Variants in SNTB1 observed in about 807,000 individuals in gnomAD.
The protein encoded by SNTB1 is beta-1-syntrophin.
Under a neutral mutation model 48.9 loss-of-function variants are expected in SNTB1, and 36 were observed. The ratio of observed to expected loss-of-function variants is 0.74; its 90% confidence interval spans 0.56 to 0.97. The LOEUF (loss-of-function observed/expected upper bound fraction) is 0.97, where lower values mean the gene tolerates loss of function less well. Ranked by LOEUF, SNTB1 falls within the 50% of genes least tolerant of loss-of-function variation. SNTB1 has a pLI of 0.00. For missense variants in SNTB1, 786 were observed against 703.4 expected (o/e 1.12, Z -1.33); for synonymous variants, 299 against 294.6 (o/e 1.01, Z -0.15).
intron 2 of SNTB1, among the ~76,000 whole-genome samples, chr8:120,658,964 T>C (rs987400628): frequency 5.9e-5 from 9 of 151,364 alleles, no homozygotes; most frequent in Non-Finnish European, 1.0e-4. Flanking sequence ...GTGATATTCT[T>C]TTTTTTTTTC....
At chr8:120,609,950 T>G (rs1050637819) in intron 3 of SNTB1, among the ~76,000 whole-genome samples, 1 of 152,190 alleles carries the variant, frequency 6.6e-6, no homozygotes, top group African/African-American at 2.4e-5. Flanking sequence ...GTACCACAGG[T>G]GAGATTTAAT....
chr8:120,771,336 T>C lies in SNTB1; in HGVS notation c.571+39937A>G, dbSNP rs1462395922. On this transcript the variant is annotated intron_variant, in intron 1 of 6. Transcript: ENST00000517992. ...GTTCTCTTTTCATTTCTACCATTTC[T>C]GTCATCTGAAGAGCAGAAAAATAAT... Among the ~76,000 whole-genome samples the C allele has an allele frequency of 5.3e-5, 8 of 152,342 alleles. No homozygotes were observed. The East Asian group carries it at 1.5e-3, about 29-fold the overall frequency.
chr8:120,582,545 T>C (rs1231360822), intron 3 of SNTB1, among the ~76,000 whole-genome samples: 1 of 151,804 alleles, frequency 6.6e-6, no homozygotes, highest in Non-Finnish European at 1.5e-5. Context: ...AGACTGACCA[T>C]GAAAATGAGA....
At chr8:120,566,423 G>A (rs1815750176) in intron 4 of SNTB1, among the ~76,000 whole-genome samples, 1 of 151,138 alleles carries the variant, frequency 6.6e-6, no homozygotes. Flanking sequence ...CACAGCAACA[G>A]GCTCCATCTA....
chr8:120,613,620 T>C (rs1480489866), intron 3 of SNTB1, among the ~76,000 whole-genome samples: 7 of 152,132 alleles, frequency 4.6e-5, no homozygotes, highest in Non-Finnish European at 1.0e-4. Context: ...TCAGTGACAG[T>C]GAATGAATAA....
chr8:120,687,666 C>T (rs961238954), intron 2 of SNTB1, among the ~76,000 whole-genome samples: 14 of 152,170 alleles, frequency 9.2e-5, no homozygotes, highest in African/African-American at 2.9e-4. Context: ...AAGAGTGCAT[C>T]ACTATTCTTT....
intron 2 of SNTB1, among the ~76,000 whole-genome samples, chr8:120,647,028 T>G (rs959503256): frequency 6.6e-6 from 1 of 150,854 alleles, no homozygotes; most frequent in South Asian, 2.1e-4. Context: ...TTATCATTTT[T>G]TATTGCGTCT....
intron 4 of SNTB1, chr8:120,571,492 T>G (rs867679881): frequency 0.017 from 3,091 of 184,124 alleles, 78 homozygotes; most frequent in South Asian, 0.033. Context: ...TTTTTTTTTT[T>G]TTTTTTTTTT....
At chr8:120,767,566 C>A (rs780011238) in intron 1 of SNTB1, among the ~76,000 whole-genome samples, 2 of 152,194 alleles carry the variant, frequency 1.3e-5, no homozygotes, top group South Asian at 4.1e-4. Flanking sequence ...AGAACATAGG[C>A]TCTACAGCCA....
chr8:120,572,862 C>T (rs542681574), intron 4 of SNTB1, among the ~76,000 whole-genome samples: 2 of 152,230 alleles, frequency 1.3e-5, no homozygotes, highest in South Asian at 2.1e-4. Context: ...TTGCAGTGCG[C>T]CAAGATAGCA....
intron 4 of SNTB1, among the ~76,000 whole-genome samples, chr8:120,563,430 A>G (rs1815696734): frequency 6.6e-6 from 1 of 152,182 alleles, no homozygotes; most frequent in Non-Finnish European, 1.5e-5. Flanking sequence ...GCACTGCTAT[A>G]AACTGTACCA....
intron 3 of SNTB1, among the ~76,000 whole-genome samples, chr8:120,599,282 C>T (rs1252330674): frequency 6.6e-6 from 1 of 152,156 alleles, no homozygotes; most frequent in East Asian, 1.9e-4. Context: ...AATAAAAATA[C>T]CGCACAAATA....
chr8:120,796,400 G>T (rs768365590), intron 1 of SNTB1, among the ~76,000 whole-genome samples: 22 of 152,002 alleles, frequency 1.4e-4, no homozygotes, highest in Admixed American at 4.6e-4. Flanking sequence ...GTGAGGTACT[G>T]GCAGTTAGGA....
intron 1 of SNTB1, among the ~76,000 whole-genome samples, chr8:120,785,881 G>A (rs1819915761): frequency 6.6e-6 from 1 of 152,206 alleles, no homozygotes; most frequent in Admixed American, 6.5e-5. Flanking sequence ...GGAAAAACTT[G>A]CACAACCTCA....
chr8:120,649,919 G>A (rs1211184201), intron 2 of SNTB1, among the ~76,000 whole-genome samples: 1 of 152,176 alleles, frequency 6.6e-6, no homozygotes, highest in Non-Finnish European at 1.5e-5. Flanking sequence ...GGGTGGGAGT[G>A]ACCCGATTTT....
In SNTB1 at chr8:120,693,846, A is replaced by G; in HGVS notation, c.634T>C (p.Trp212Arg). 1.1e-5 allele frequency: 18 copies of G among 1,614,066 alleles called. No individual in the cohort carries two copies. Among genetic ancestry groups the G allele is most frequent in the Non-Finnish European group, 1.5e-5 (18 of 1,179,998 alleles). The change falls in exon 2 of 7, where the codon TGG becomes CGG. Residue 212 changes from tryptophan to arginine, a missense_variant. By Grantham distance (101) the Trp-to-Arg change is moderately radical. Coordinates refer to ENST00000517992, the MANE Select transcript of SNTB1 (RefSeq NM_021021.4). Reference protein sequence around the residue: ...KKGSPVSEIGWETPPPESPRL... With the variant: ...KKGSPVSEIGRETPPPESPRL... ...GGGGATTCAGGCGGAGGTGTTTCCC[A>G]CCCAATCTCGGATACTGGGGATCCT...
intron 3 of SNTB1, among the ~76,000 whole-genome samples, chr8:120,594,326 C>T (rs942014910): frequency 6.6e-6 from 1 of 152,168 alleles, no homozygotes; most frequent in African/African-American, 2.4e-5. Context: ...CAACCTCCAC[C>T]TCCCGGGTTC....
intron 4 of SNTB1, chr8:120,571,137 C>T (rs919078490): frequency 9.0e-6 from 10 of 1,113,064 alleles, no homozygotes; most frequent in East Asian, 1.2e-4. Flanking sequence ...TCATAATGCC[C>T]AGAAACTGTG....
At chr8:120,733,487 G>A (rs994691077) in intron 1 of SNTB1, among the ~76,000 whole-genome samples, 7 of 152,216 alleles carry the variant, frequency 4.6e-5, no homozygotes, top group African/African-American at 1.7e-4. Flanking sequence ...CTCCAATTAA[G>A]CCAACCAAGT....
Sources: gnomAD v4.1 joint callset for allele counts (sites outside exome capture counted in the v4.1 genomes callset) on GRCh38, gnomAD v4.1.1 for gene constraint, MANE v1.5 for transcripts, NCBI Gene and HGNC (gene_info 2026-07-23, HGNC 2026-07-21) for gene names.